MINDY2: variants seen among roughly 807,000 people sequenced by gnomAD.
MINDY2 encodes ubiquitin carboxyl-terminal hydrolase MINDY-2.
In MINDY2, 52 loss-of-function variants were observed where a neutral mutation model predicts 68.2. The observed-to-expected ratio is 0.76, with a 90% CI of 0.61 to 0.96. MINDY2 has a LOEUF of 0.96. Ranked by LOEUF, MINDY2 falls within the 40% of genes least tolerant of loss-of-function variation. MINDY2 has a pLI of 0.00. For synonymous variants in MINDY2, 372 were observed against 303.0 expected (o/e 1.23, Z -2.36); for missense variants, 881 against 773.4 (o/e 1.14, Z -1.65).
At chr15:58,828,314 T>G (rs2031525701) in intron 5 of MINDY2, among the ~76,000 whole-genome samples, 1 of 152,214 alleles carries the variant, frequency 6.6e-6, no homozygotes, top group Admixed American at 6.5e-5. Context: ...AAAGTTAGAT[T>G]GTTTAAAGCT....
chr15:58,800,238 TTTC>T (rs1423700095), intron 2 of MINDY2, among the ~76,000 whole-genome samples: 2 of 152,198 alleles, frequency 1.3e-5, no homozygotes, highest in African/African-American at 4.8e-5. Flanking sequence ...GTAGCAAGGT[TTTC>T]TTAATTCTTT....
chr15:58,786,166 C>G lies in MINDY2; in HGVS notation c.841-1740C>G, dbSNP rs74021005. 2.6e-4 allele frequency among the ~76,000 whole-genome samples: 40 copies of G among 152,192 alleles called. No homozygotes were observed. The East Asian group carries it at 6.2e-3, about 23-fold the overall frequency. ...GGGATCTTTTTAAAAACTTATTTTA[C>G]TTGTTGATTAAAACAAAATTGTGAC... On this transcript the variant is annotated intron_variant, in intron 1 of 8. Transcript: ENST00000559228.
intron 6 of MINDY2, among the ~76,000 whole-genome samples, chr15:58,844,720 CA>C (rs1567074555): frequency 6.6e-6 from 1 of 151,572 alleles, no homozygotes; most frequent in Non-Finnish European, 1.5e-5. Context: ...AGTTCGAGAC[CA>C]GCCTGGCCAA....
intron 1 of MINDY2, among the ~76,000 whole-genome samples, chr15:58,778,719 C>G (rs7178970): frequency 5.9e-5 from 9 of 151,352 alleles, no homozygotes; most frequent in Non-Finnish European, 1.2e-4. Flanking sequence ...CTCGACCTCC[C>G]GAGCTCAAGC....
chr15:58,841,946 C>T (rs1484557647), intron 6 of MINDY2, among the ~76,000 whole-genome samples: 1 of 151,998 alleles, frequency 6.6e-6, no homozygotes, highest in Non-Finnish European at 1.5e-5. Flanking sequence ...GATTCCTATC[C>T]TTACCTAATT....
chr15:58,824,270 C>G (rs147247513), intron 5 of MINDY2, among the ~76,000 whole-genome samples: 13 of 152,126 alleles, frequency 8.5e-5, no homozygotes, highest in African/African-American at 2.9e-4. Flanking sequence ...GACATTGATT[C>G]CTCAGGATAA....
intron 4 of MINDY2, among the ~76,000 whole-genome samples, chr15:58,812,954 C>G (rs1443875296): frequency 2.0e-5 from 3 of 152,174 alleles, no homozygotes; most frequent in Non-Finnish European, 4.4e-5. Flanking sequence ...TATCCACACC[C>G]ACTTCTCTCA....
chr15:58,792,826 G>A (rs1902033147), intron 2 of MINDY2, among the ~76,000 whole-genome samples: 1 of 152,118 alleles, frequency 6.6e-6, no homozygotes, highest in Non-Finnish European at 1.5e-5. Flanking sequence ...ACCATATAGT[G>A]TATGATTCCA....
chr15:58,806,896 CAGTAGAAG>C (rs1371327956), intron 3 of MINDY2, among the ~76,000 whole-genome samples: 1 of 152,066 alleles, frequency 6.6e-6, no homozygotes, highest in African/African-American at 2.4e-5. Flanking sequence ...TTGGGGGGAA[CAGTAGAAG>C]AGATGAAACT....
chr15:58,783,435 T>C (rs1471917396), intron 1 of MINDY2, among the ~76,000 whole-genome samples: 2 of 152,184 alleles, frequency 1.3e-5, no homozygotes, highest in Non-Finnish European at 2.9e-5. Flanking sequence ...TTCTTATTTC[T>C]TAGTTATTGC....
At chr15:58,798,614 C>T (rs1444615973) in intron 2 of MINDY2, among the ~76,000 whole-genome samples, 1 of 152,072 alleles carries the variant, frequency 6.6e-6, no homozygotes, top group Non-Finnish European at 1.5e-5. Context: ...TGCCACCACA[C>T]CCAGCTAATT....
At chr15:58,785,392 A>G (rs75400379) in intron 1 of MINDY2, among the ~76,000 whole-genome samples, 4,953 of 152,234 alleles carry the variant, frequency 0.033, 286 homozygotes, top group African/African-American at 0.11. Context: ...AGAGATCAGC[A>G]AACTTTTTCT....
intron 5 of MINDY2, among the ~76,000 whole-genome samples, chr15:58,830,260 G>C (rs2141017486): frequency 6.6e-6 from 1 of 152,242 alleles, no homozygotes; most frequent in African/African-American, 2.4e-5. Flanking sequence ...ATTTTCATCA[G>C]CTGATCAGTA....
At chr15:58,799,960 C>T (rs189482513) in intron 2 of MINDY2, among the ~76,000 whole-genome samples, 251 of 152,214 alleles carry the variant, frequency 1.6e-3, no homozygotes, top group Non-Finnish European at 2.6e-3. Context: ...ATGAGACTGG[C>T]GGGGGCGCAT....
intron 4 of MINDY2, among the ~76,000 whole-genome samples, chr15:58,818,707 T>C (rs1595746995): frequency 6.7e-6 from 1 of 148,590 alleles, no homozygotes; most frequent in South Asian, 2.1e-4. Context: ...AGGTGTGATC[T>C]CGGCTCACTG....
intron 6 of MINDY2, among the ~76,000 whole-genome samples, chr15:58,838,257 G>A (rs1382734715): frequency 1.3e-5 from 2 of 151,904 alleles, no homozygotes; most frequent in East Asian, 3.9e-4. Flanking sequence ...AACTAGCTGG[G>A]CATGGTGGTG....
intron 2 of MINDY2, among the ~76,000 whole-genome samples, chr15:58,798,242 G>A (rs1223740112): frequency 6.6e-5 from 10 of 151,400 alleles, no homozygotes; most frequent in Middle Eastern, 3.4e-3. Flanking sequence ...TCAGCTACCC[G>A]AGCAGCTGGG....
At chr15:58,846,896 G>A (rs892239149) in intron 6 of MINDY2, among the ~76,000 whole-genome samples, 1 of 151,904 alleles carries the variant, frequency 6.6e-6, no homozygotes, top group Non-Finnish European at 1.5e-5. Context: ...GGTGTGGATT[G>A]GACTAGTCAT....
chr15:58,861,170 G>C lies in MINDY2; in HGVS notation c.*6560G>C, dbSNP rs1306273043. The C allele has an allele frequency of 6.6e-6, 1 of 152,220 alleles. No homozygotes were observed. The highest frequency in any genetic ancestry group is 1.9e-4 in the East Asian group (1 of 5,200). The allele number at this position is 152,220 out of a possible 1,614,324, so 9.4% of individuals were successfully genotyped here. On this transcript the variant is annotated 3_prime_UTR_variant, in exon 9 of 9. Transcript: ENST00000559228. ...AGGCACATATTTTGAGGAGTAGCAA[G>C]TGGAATGGTATAATGACTACAGAGA...
Sources: allele counts gnomAD v4.1 joint callset (sites outside exome capture counted in the v4.1 genomes callset), GRCh38; gene constraint gnomAD v4.1.1; transcripts MANE v1.5; gene names NCBI Gene and HGNC (gene_info 2026-07-23, HGNC 2026-07-21).